NCAM1: variants seen among roughly 807,000 people sequenced by gnomAD.
NCAM1 encodes neural cell adhesion molecule 1, also known as antigen recognized by monoclonal antibody 5.1H11.
Under a neutral mutation model 109.8 loss-of-function variants are expected in NCAM1, and 14 were observed. The ratio of observed to expected loss-of-function variants is 0.13; its 90% confidence interval spans 0.08 to 0.20. The LOEUF (loss-of-function observed/expected upper bound fraction) is 0.20. NCAM1 is among the 10% of genes least tolerant of loss of function. The pLI, the probability that NCAM1 is intolerant of heterozygous loss-of-function variation, is 1.00. For synonymous variants in NCAM1, 418 were observed against 442.9 expected (o/e 0.94, Z 0.70); for missense variants, 774 against 1,109.9 (o/e 0.70, Z 4.30).
intron 14 of NCAM1, among the ~76,000 whole-genome samples, chr11:113,238,574 G>A (rs1471281854): frequency 2.0e-5 from 3 of 152,124 alleles, no homozygotes; most frequent in Non-Finnish European, 4.4e-5. Context: ...TTGCTGCTAG[G>A]AACTGAGGAC....
intron 1 of NCAM1, among the ~76,000 whole-genome samples, chr11:113,006,548 G>T (rs1555073356): frequency 6.6e-6 from 1 of 152,136 alleles, no homozygotes; most frequent in Non-Finnish European, 1.5e-5. Context: ...TATCACACAA[G>T]TGCAGGCATC....
At chr11:113,069,013 T>A (rs1348448917) in intron 1 of NCAM1, among the ~76,000 whole-genome samples, 1 of 152,208 alleles carries the variant, frequency 6.6e-6, no homozygotes, top group Non-Finnish European at 1.5e-5. Context: ...ACTTTGTTTG[T>A]ATTTATTAAT....
intron 1 of NCAM1, among the ~76,000 whole-genome samples, chr11:113,018,190 AAAC>A (rs1424289762): frequency 1.3e-5 from 2 of 152,164 alleles, no homozygotes; most frequent in African/African-American, 4.8e-5. Flanking sequence ...GGTAAAAAAA[AAAC>A]ACACACATTA....
intron 1 of NCAM1, among the ~76,000 whole-genome samples, chr11:112,981,883 T>G (rs1476981028): frequency 6.6e-6 from 1 of 151,948 alleles, no homozygotes; most frequent in East Asian, 1.9e-4. Context: ...TGCATTCAAA[T>G]AAAATTAGTT....
chr11:113,095,691 C>A (rs1939564380), intron 1 of NCAM1, among the ~76,000 whole-genome samples: 2 of 152,228 alleles, frequency 1.3e-5, no homozygotes, highest in Middle Eastern at 3.2e-3. Context: ...TCTTACAAGG[C>A]AGATTTTATT....
intron 1 of NCAM1, among the ~76,000 whole-genome samples, chr11:113,147,286 T>A (rs1217458866): frequency 6.6e-6 from 1 of 152,250 alleles, no homozygotes; most frequent in Non-Finnish European, 1.5e-5. Flanking sequence ...GCGCGATAGA[T>A]TTTTAAATGA....
At chr11:113,216,854 A>C (rs1944546941) in intron 8 of NCAM1, among the ~76,000 whole-genome samples, 1 of 152,218 alleles carries the variant, frequency 6.6e-6, no homozygotes, top group South Asian at 2.1e-4. Context: ...ATAGCTAATA[A>C]TTAAGAAAAC....
At chr11:113,132,417 A>G (rs1490041236) in intron 1 of NCAM1, among the ~76,000 whole-genome samples, 1 of 152,120 alleles carries the variant, frequency 6.6e-6, no homozygotes, top group African/African-American at 2.4e-5. Context: ...GTCCTGCCTC[A>G]GCTCTAGATA....
chr11:113,230,578 A>C (rs1555117026), intron 9 of NCAM1, among the ~76,000 whole-genome samples: 1 of 152,206 alleles, frequency 6.6e-6, no homozygotes, highest in African/African-American at 2.4e-5. Flanking sequence ...CAGGGCCCCA[A>C]ACCAGCATAT....
At chr11:113,147,576 G>C (rs1942064387) in intron 1 of NCAM1, among the ~76,000 whole-genome samples, 1 of 152,218 alleles carries the variant, frequency 6.6e-6, no homozygotes, top group Non-Finnish European at 1.5e-5. Context: ...GCTAATGGGA[G>C]ATTCAGAAAC....
intron 3 of NCAM1, among the ~76,000 whole-genome samples, chr11:113,205,080 G>A (rs1420683939): frequency 6.6e-6 from 1 of 152,158 alleles, no homozygotes; most frequent in Non-Finnish European, 1.5e-5. Context: ...CTTTTCATCA[G>A]CATTCTGTCT....
At chr11:113,014,607 C>T (rs1302507048) in intron 1 of NCAM1, among the ~76,000 whole-genome samples, 3 of 152,164 alleles carry the variant, frequency 2.0e-5, no homozygotes, top group Non-Finnish European at 2.9e-5. Flanking sequence ...ATGTTATAAA[C>T]GTCAACATAA....
At chr11:113,113,680 C>T (rs1940550806) in intron 1 of NCAM1, among the ~76,000 whole-genome samples, 1 of 152,098 alleles carries the variant, frequency 6.6e-6, no homozygotes, top group African/African-American at 2.4e-5. Flanking sequence ...CTTGTTTCAG[C>T]ATCCCTGGAA....
intron 1 of NCAM1, among the ~76,000 whole-genome samples, chr11:113,131,919 G>T (rs1469994186): frequency 1.3e-5 from 2 of 152,196 alleles, no homozygotes; most frequent in African/African-American, 4.8e-5. Flanking sequence ...TAGGTTTGGA[G>T]GACAGTTAGC....
chr11:113,009,511 T>G (rs1346049464), intron 1 of NCAM1, among the ~76,000 whole-genome samples: 1 of 151,864 alleles, frequency 6.6e-6, no homozygotes, highest in Admixed American at 6.6e-5. Context: ...TTTGTAGAGC[T>G]GGGTTCTCAC....
At chr11:113,046,902 GGAAGA>G (rs1331771884) in intron 1 of NCAM1, among the ~76,000 whole-genome samples, 1 of 151,542 alleles carries the variant, frequency 6.6e-6, no homozygotes, top group South Asian at 2.1e-4. Flanking sequence ...AAGGAAGAAA[GGAAGA>G]AAGATGATAG....
intron 17 of NCAM1, among the ~76,000 whole-genome samples, chr11:113,266,800 A>T (rs782139543): frequency 8.5e-5 from 13 of 152,238 alleles, no homozygotes; most frequent in Non-Finnish European, 1.6e-4. Context: ...GTCTTCCAGG[A>T]AAAAGTCTTT....
At chr11:112,971,182 A>C (rs562001010) in intron 1 of NCAM1, among the ~76,000 whole-genome samples, 1 of 151,806 alleles carries the variant, frequency 6.6e-6, no homozygotes, top group South Asian at 2.1e-4. Context: ...GGAAAAAGAG[A>C]GTGTGTTTTA....
intron 1 of NCAM1, among the ~76,000 whole-genome samples, chr11:113,194,292 A>T (rs768202815): frequency 1.3e-4 from 20 of 152,192 alleles, no homozygotes; most frequent in Non-Finnish European, 2.4e-4. Context: ...ACAATCAATT[A>T]TGATGTCATA....
Sources: gnomAD v4.1 joint callset for allele counts (sites outside exome capture counted in the v4.1 genomes callset) on GRCh38, gnomAD v4.1.1 for gene constraint, MANE v1.5 for transcripts, NCBI Gene and HGNC (gene_info 2026-07-23, HGNC 2026-07-21) for gene names.